TFCP2: variants seen among roughly 807,000 people sequenced by gnomAD.
TFCP2 encodes the protein transcription factor CP2.
Under a neutral mutation model 73.4 loss-of-function variants are expected in TFCP2, and 33 were observed. The ratio of observed to expected loss-of-function variants is 0.45; its 90% confidence interval spans 0.34 to 0.60. TFCP2 has a LOEUF of 0.60. Ranked by LOEUF, TFCP2 falls within the 20% of genes least tolerant of loss-of-function variation. The pLI is 0.01. For synonymous variants in TFCP2, 193 were observed against 211.6 expected, an observed-to-expected ratio of 0.91 and a Z score of 0.76; for missense variants, 352 against 604.0, an observed-to-expected ratio of 0.58 and a Z score of 4.37.
At chr12:51,112,971 G>A (rs1592797430) in intron 4 of TFCP2, among the ~76,000 whole-genome samples, 2 of 152,174 alleles carry the variant, frequency 1.3e-5, no homozygotes, top group South Asian at 4.2e-4. Flanking sequence ...GAATTAATGG[G>A]TTTGAGTAGA....
intron 13 of TFCP2, among the ~76,000 whole-genome samples, chr12:51,098,518 C>T (rs4991549): frequency 0.62 from 93,794 of 151,586 alleles, 29,490 homozygotes; most frequent in Admixed American, 0.68. Context: ...TCCCACTATT[C>T]GGGAAGCTGA....
chr12:51,156,347 G>GT lies in TFCP2; in HGVS notation c.122+15953_122+15954insA, dbSNP rs1319695861. On this transcript the variant is annotated intron_variant, in intron 1 of 14. Coordinates refer to ENST00000257915, the MANE Select transcript of TFCP2 (RefSeq NM_005653.5). Reference sequence around the variant, plus strand: ...CACATGGCAACAGAGGAAGCAAGGGGGGGGGAGGTGCCACACTTAAACAAC... The same window carrying GT: ...CACATGGCAACAGAGGAAGCAAGGGGTGGGGGAGGTGCCACACTTAAACAAC... Among the ~76,000 whole-genome samples the GT allele has an allele frequency of 7.2e-5, 11 of 152,056 alleles. No homozygotes were observed. In the East Asian group the frequency reaches 2.1e-3, roughly 29 times the overall value.
chr12:51,117,593 TAAC>T (rs973427880), intron 3 of TFCP2, 75 bp downstream of exon 3: 32 of 1,193,378 alleles, frequency 2.7e-5, no homozygotes, highest in East Asian at 4.8e-5. Flanking sequence ...AAAAGAACAT[TAAC>T]AACAACAACA....
intron 1 of TFCP2, among the ~76,000 whole-genome samples, chr12:51,141,665 C>G (rs545577213): frequency 6.6e-6 from 1 of 151,142 alleles, no homozygotes; most frequent in Admixed American, 6.6e-5. Context: ...TTTGGGAGGC[C>G]GATGTGGGCA....
In TFCP2 at chr12:51,165,147, G is replaced by C. The variant is rs570604031; in HGVS notation, c.122+7154C>G. Among the ~76,000 whole-genome samples, 17 of 152,132 alleles carry C rather than the reference G, an allele frequency of 1.1e-4. No individual in the cohort carries two copies. The South Asian group carries it at 3.5e-3, about 32-fold the overall frequency. On this transcript the variant is annotated intron_variant, in intron 1 of 14. Coordinates refer to ENST00000257915, the MANE Select transcript of TFCP2 (RefSeq NM_005653.5). Reference sequence around the variant, plus strand: ...AGGCAGGAAGATCCCTTGAGTCCAGGAGTTCAAGACCAGCCTGGGCAACAT... The same window carrying C: ...AGGCAGGAAGATCCCTTGAGTCCAGCAGTTCAAGACCAGCCTGGGCAACAT...
chr12:51,119,922 T>TAATCC (rs1172166193), intron 1 of TFCP2, among the ~76,000 whole-genome samples: 2 of 152,108 alleles, frequency 1.3e-5, no homozygotes, highest in East Asian at 3.9e-4. Context: ...CTCACGCCTG[T>TAATCC]AATCCCAGCA....
chr12:51,124,609 T>A (rs556094054), intron 1 of TFCP2: 3 of 526,316 alleles, frequency 5.7e-6, no homozygotes, highest in Non-Finnish European at 1.1e-5. Context: ...AGGAGCGGAC[T>A]GCCCCGCCGG....
At chr12:51,159,922 C>T (rs370959595) in intron 1 of TFCP2, among the ~76,000 whole-genome samples, 156 of 152,236 alleles carry the variant, frequency 1.0e-3, no homozygotes, top group Middle Eastern at 6.8e-3. Flanking sequence ...TTGTGCTAAG[C>T]GCTGAAACTG....
intron 1 of TFCP2, among the ~76,000 whole-genome samples, chr12:51,146,672 G>A (rs191834224): frequency 1.3e-5 from 2 of 152,090 alleles, no homozygotes; most frequent in Non-Finnish European, 2.9e-5. Flanking sequence ...TAATCCCTCT[G>A]CCTGGAATAT....
intron 2 of TFCP2, among the ~76,000 whole-genome samples, chr12:51,118,183 A>G (rs1177766445): frequency 1.3e-5 from 2 of 152,234 alleles, no homozygotes; most frequent in East Asian, 1.9e-4. Flanking sequence ...TTAGAACTCA[A>G]ATCTCTGAAG....
intron 5 of TFCP2, 77 bp downstream of exon 5, chr12:51,110,800 T>G: frequency 9.2e-7 from 1 of 1,084,940 alleles, no homozygotes; most frequent in Non-Finnish European, 1.4e-6. Flanking sequence ...AAAGTTAACA[T>G]GTTTTATCCT....
intron 1 of TFCP2, among the ~76,000 whole-genome samples, chr12:51,168,320 T>G (rs893489975): frequency 8.5e-5 from 13 of 152,062 alleles, no homozygotes; most frequent in African/African-American, 3.1e-4. Context: ...TTGGGAGGAC[T>G]GCTTGAGCTC....
chr12:51,153,865 G>A (rs966868303), intron 1 of TFCP2, among the ~76,000 whole-genome samples: 3 of 152,080 alleles, frequency 2.0e-5, no homozygotes, highest in Non-Finnish European at 4.4e-5. Flanking sequence ...TGCTCAAGTC[G>A]CTGCTGTCAA....
chr12:51,124,781 C>A, intron 1 of TFCP2: 2 of 812,298 alleles, frequency 2.5e-6, no homozygotes, highest in African/African-American at 1.7e-5. Context: ...CCTTTTTCTG[C>A]TGCTCAGCCT....
chr12:51,139,141 GC>G, intron 1 of TFCP2, among the ~76,000 whole-genome samples: 1 of 152,220 alleles, frequency 6.6e-6, no homozygotes, highest in East Asian at 1.9e-4. Context: ...CCCTCCTCAG[GC>G]ATGATAACTA....
intron 1 of TFCP2, among the ~76,000 whole-genome samples, chr12:51,141,745 C>CAA (rs1034022986): frequency 1.5e-5 from 2 of 136,012 alleles, no homozygotes; most frequent in African/African-American, 5.4e-5. Context: ...ACTAAAAATA[C>CAA]AAAAAAAAAA....
chr12:51,111,898 T>C (rs1012322006), intron 4 of TFCP2, among the ~76,000 whole-genome samples: 2 of 151,820 alleles, frequency 1.3e-5, no homozygotes, highest in African/African-American at 4.8e-5. Flanking sequence ...GGCTTACACC[T>C]GTTATCCCAG....
intron 12 of TFCP2, 141 bp from the exon 13 acceptor site, chr12:51,099,059 G>T: frequency 1.1e-6 from 1 of 914,918 alleles, no homozygotes; most frequent in Non-Finnish European, 1.6e-6. Context: ...ACCACTTGCA[G>T]CTGTGTGACC....
Position 51,106,519 on chromosome 12 carries a change from A to G in TFCP2, c.917+6T>C. 1 of 1,608,882 alleles carries G rather than the reference A, an allele frequency of 6.2e-7. No individual in the cohort carries two copies. Among genetic ancestry groups the G allele is most frequent in the Non-Finnish European group, 8.5e-7 (1 of 1,177,172 alleles). On this transcript the variant is annotated splice_donor_region_variant and intron_variant, in intron 8 of 14. Coordinates refer to ENST00000257915, the MANE Select transcript of TFCP2 (RefSeq NM_005653.5). ...AATATAAGCCAATTTTATTTCCCAG[A>G]CTTACCCTTCCCCAAGAGAAAAACT...
Sources: gnomAD v4.1 joint callset for allele counts (sites outside exome capture counted in the v4.1 genomes callset) on GRCh38, gnomAD v4.1.1 for gene constraint, MANE v1.5 for transcripts, NCBI Gene and HGNC (gene_info 2026-07-23, HGNC 2026-07-21) for gene names.